The following RYR2 variants were observed in gnomAD, a reference collection of about 807,000 sequenced individuals.
RYR2 encodes cardiac muscle ryanodine receptor-calcium release channel.
RYR2 carries 227 observed loss-of-function variants against 601.1 expected under a neutral mutation model. The ratio of observed to expected loss-of-function variants is 0.38; its 90% CI spans 0.34 to 0.42. RYR2 has a LOEUF of 0.42. RYR2 is among the 10% of genes least tolerant of loss of function. RYR2 has a pLI of 1.00. For synonymous variants in RYR2, 2,223 were observed against 2,175.1 expected, an observed-to-expected ratio of 1.02 and a Z score of -0.61; for missense variants, 4,646 against 6,156.5, an observed-to-expected ratio of 0.75 and a Z score of 8.21.
chr1:237,422,308 A>T (rs1334426587), intron 11 of RYR2, among the ~76,000 whole-genome samples: 2 of 152,340 alleles, frequency 1.3e-5, no homozygotes, highest in East Asian at 3.9e-4. Context: ...CAGGTAATGT[A>T]TAGTGATCAG....
chr1:237,177,696 G>C (rs2148935427), intron 1 of RYR2, among the ~76,000 whole-genome samples: 1 of 152,228 alleles, frequency 6.6e-6, no homozygotes, highest in South Asian at 2.1e-4. Context: ...GTGAACTACT[G>C]TTGATGGTCA....
chr1:237,609,639 A>G (rs1465895600), intron 35 of RYR2, among the ~76,000 whole-genome samples: 1 of 151,868 alleles, frequency 6.6e-6, no homozygotes, highest in Non-Finnish European at 1.5e-5. Flanking sequence ...TGCTGGGATT[A>G]CAGGCGTGAG....
At chr1:237,364,470 T>C in intron 5 of RYR2, 98 bp downstream of exon 5, 1 of 572,786 alleles carries the variant, frequency 1.7e-6, no homozygotes, top group Non-Finnish European at 2.9e-6. Context: ...TATAGCTGTA[T>C]TATATATATG....
At chr1:237,068,141 C>A (rs2148299886) in intron 1 of RYR2, among the ~76,000 whole-genome samples, 1 of 151,450 alleles carries the variant, frequency 6.6e-6, no homozygotes, top group South Asian at 2.1e-4. Flanking sequence ...TTCTGGGGCC[C>A]ATTTTCCTCA....
At chr1:237,187,443 C>CTTTTTTT (rs10686110) in intron 1 of RYR2, among the ~76,000 whole-genome samples, 27,196 of 86,586 alleles carry the variant, frequency 0.31, 7,244 homozygotes, top group East Asian at 0.48. Context: ...GCCCGGCCGA[C>CTTTTTTT]TTTTTTTTTT....
chr1:237,530,548 T>C, intron 25 of RYR2, 38 bp downstream of exon 25: 1 of 1,427,030 alleles, frequency 7.0e-7, no homozygotes, highest in Non-Finnish European at 9.7e-7. Flanking sequence ...ATAATCTGTG[T>C]AGAGATTTAG....
intron 12 of RYR2, among the ~76,000 whole-genome samples, chr1:237,432,785 C>T (rs963019663): frequency 1.3e-5 from 2 of 151,880 alleles, no homozygotes; most frequent in African/African-American, 4.8e-5. Context: ...TTTCTGTCAT[C>T]ACTATCATTA....
chr1:237,563,411 C>CAAAA (rs35997311), intron 27 of RYR2, among the ~76,000 whole-genome samples: 7 of 132,578 alleles, frequency 5.3e-5, no homozygotes, highest in South Asian at 2.4e-4. Flanking sequence ...AACTCCATCT[C>CAAAA]AAAAAAAAAA....
chr1:237,646,350 T>A (rs185603688), intron 48 of RYR2, among the ~76,000 whole-genome samples: 3,476 of 148,496 alleles, frequency 0.023, 54 homozygotes, highest in Non-Finnish European at 0.033. Context: ...CAAAAAAAAA[T>A]TTTTTTTTTT....
chr1:237,786,917 C>T (rs954134738), intron 91 of RYR2, among the ~76,000 whole-genome samples: 13 of 152,084 alleles, frequency 8.5e-5, no homozygotes, highest in Non-Finnish European at 1.8e-4. Context: ...GTAAAAATGG[C>T]CCCATAAAAA....
intron 29 of RYR2, among the ~76,000 whole-genome samples, chr1:237,573,837 G>T (rs2779411): frequency 0.61 from 92,464 of 151,230 alleles, 29,959 homozygotes; most frequent in Non-Finnish European, 0.71. Context: ...ATAAAAAGAT[G>T]CTGTTAGGTC....
chr1:237,440,251 C>A (rs1163619832), intron 12 of RYR2, among the ~76,000 whole-genome samples: 1 of 152,050 alleles, frequency 6.6e-6, no homozygotes, highest in Non-Finnish European at 1.5e-5. Context: ...TTTTGTTTAG[C>A]AGACATACAT....
At chr1:237,168,418 TTTGA>T (rs1402989317) in intron 1 of RYR2, among the ~76,000 whole-genome samples, 3 of 152,178 alleles carry the variant, frequency 2.0e-5, no homozygotes, top group Non-Finnish European at 4.4e-5. Context: ...GGCTATAAAC[TTTGA>T]TTGATGGTTT....
rs745925168 is a variant in RYR2, at chr1:237,270,601, C to T, written c.153C>T (p.Ser51=). 3 of 1,586,546 alleles carry T rather than the reference C, an allele frequency of 1.9e-6. No homozygotes were observed. ...GCAACAGACTTTGTTTCTTGGAGTCCACTTCCAATTCCAAGGTGGGATGAA... is the reference window on the plus strand; with the variant it reads ...GCAACAGACTTTGTTTCTTGGAGTCTACTTCCAATTCCAAGGTGGGATGAA... ...GFGNRLCFLE[S]TSNSKNVPPD... The change falls in exon 2 of 105, where the codon TCC becomes TCT. Residue 51 remains serine (S), a synonymous_variant. Transcript: ENST00000366574.
chr1:237,443,633 T>C (rs953734919), intron 13 of RYR2, among the ~76,000 whole-genome samples: 1 of 152,204 alleles, frequency 6.6e-6, no homozygotes, highest in Non-Finnish European at 1.5e-5. Flanking sequence ...TACATGTATA[T>C]TTACGGGGGA....
rs1398653043 is a variant in RYR2, at chr1:237,798,067, C to T, written c.13987C>T (p.Arg4663Ter). Residue 4663 changes from arginine (R) to a stop codon, truncating the protein, a stop_gained, in exon 97 of 105, where the codon CGA becomes TGA. Transcript: ENST00000366574. LOFTEE classifies it high-confidence loss of function. ...VMDKYGEFYG[R>*]DRISELLGMD... ...GGATAAATATGGAGAGTTCTACGGC[C>T]GAGACAGAATCAGTGAATTACTTGG... The T allele has an allele frequency of 6.2e-7, 1 of 1,611,040 alleles. No individual in the cohort carries two copies. Among genetic ancestry groups the T allele is most frequent in the Non-Finnish European group, 8.5e-7 (1 of 1,178,502 alleles).
intron 1 of RYR2, among the ~76,000 whole-genome samples, chr1:237,201,614 T>G (rs952862419): frequency 1.3e-5 from 2 of 152,152 alleles, no homozygotes; most frequent in Admixed American, 6.6e-5. Context: ...CAAACTGGCA[T>G]TAGCATCCTC....
At chr1:237,619,995 A>C (rs961345893) in intron 38 of RYR2, among the ~76,000 whole-genome samples, 1 of 152,166 alleles carries the variant, frequency 6.6e-6, no homozygotes, top group African/African-American at 2.4e-5. Flanking sequence ...AAATGAAGGA[A>C]ATTTGGAAAA....
intron 87 of RYR2, among the ~76,000 whole-genome samples, chr1:237,776,254 A>G (rs1440551530): frequency 6.6e-6 from 1 of 152,194 alleles, no homozygotes; most frequent in African/African-American, 2.4e-5. Flanking sequence ...CAGAGCTGTA[A>G]TAGCCAGTTG....
Sources: allele counts gnomAD v4.1 joint callset (sites outside exome capture counted in the v4.1 genomes callset), GRCh38; gene constraint gnomAD v4.1.1; transcripts MANE v1.5; gene names NCBI Gene and HGNC (gene_info 2026-07-23, HGNC 2026-07-21).